GLIS3: variants seen among roughly 807,000 people sequenced by gnomAD.
GLIS3 encodes zinc finger protein GLIS3.
Under a neutral mutation model 78.6 loss-of-function variants are expected in GLIS3, and 53 were observed. The observed-to-expected ratio is 0.67, with a 90% CI of 0.54 to 0.85. GLIS3 has a LOEUF of 0.85. Ranked by LOEUF, GLIS3 falls within the 40% of genes least tolerant of loss-of-function variation. The pLI is 0.00. For synonymous variants in GLIS3, 684 were observed against 509.9 expected, an observed-to-expected ratio of 1.34 and a Z score of -4.60; for missense variants, 1,703 against 1,231.1, an observed-to-expected ratio of 1.38 and a Z score of -5.74.
chr9:4,423,057 G>C, the GLIS3 span, among the ~76,000 whole-genome samples: 1 of 152,082 alleles, frequency 6.6e-6, no homozygotes, highest in Non-Finnish European at 1.5e-5. Flanking sequence ...TGGGGACATG[G>C]ATCGAGTGCC....
intron 2 of GLIS3, among the ~76,000 whole-genome samples, chr9:4,339,733 G>A (rs1488131931): frequency 9.5e-6 from 1 of 104,872 alleles, no homozygotes; most frequent in Non-Finnish European, 1.9e-5. Flanking sequence ...TGGGAAGTTT[G>A]GTACAAAAGA....
intron 8 of GLIS3, among the ~76,000 whole-genome samples, chr9:3,864,030 A>T (rs1820409859): frequency 6.6e-6 from 1 of 152,202 alleles, no homozygotes; most frequent in South Asian, 2.1e-4. Flanking sequence ...AGAATCTGAC[A>T]TGGGGAGAGA....
At chr9:4,338,775 C>T (rs1045379426) in intron 2 of GLIS3, among the ~76,000 whole-genome samples, 3 of 152,128 alleles carry the variant, frequency 2.0e-5, no homozygotes, top group Non-Finnish European at 4.4e-5. Context: ...AATATAGCCT[C>T]ATATTGTATC....
intron 2 of GLIS3, among the ~76,000 whole-genome samples, chr9:4,253,331 G>C (rs1283861604): frequency 6.6e-6 from 1 of 152,270 alleles, no homozygotes; most frequent in Admixed American, 6.5e-5. Flanking sequence ...TACAGAGGCA[G>C]TCTAGCTACA....
At chr9:3,961,026 C>G (rs1393469680) in intron 4 of GLIS3, among the ~76,000 whole-genome samples, 3 of 152,170 alleles carry the variant, frequency 2.0e-5, no homozygotes, top group African/African-American at 4.8e-5. Flanking sequence ...GCTGAGCTCA[C>G]CAATTATTCC....
At position 3,946,939 on chromosome 9, in the gene GLIS3, A is replaced by G. The variant is rs116254415; in HGVS notation, c.1711-9750T>C. ...CCTTGCCCTGAGTTGCCCTGAGTCG[A>G]GTGTCACCAAACAGCAGGTCAAGCA... On this transcript the variant is annotated intron_variant, in intron 4 of 10. Transcript: ENST00000381971. Among the ~76,000 whole-genome samples the G allele has an allele frequency of 5.6e-3, 848 of 152,256 alleles. 14 individuals are homozygous for G. The highest frequency in any genetic ancestry group is 0.019 in the African/African-American group (785 of 41,540).
chr9:4,095,457 C>A (rs544971553), intron 4 of GLIS3, among the ~76,000 whole-genome samples: 2 of 152,276 alleles, frequency 1.3e-5, no homozygotes, highest in Admixed American at 6.5e-5. Flanking sequence ...AACTCCAAAT[C>A]TTTTGGTGGG....
intron 9 of GLIS3, among the ~76,000 whole-genome samples, chr9:3,838,215 A>G (rs1818475794): frequency 6.6e-6 from 1 of 152,218 alleles, no homozygotes; most frequent in African/African-American, 2.4e-5. Context: ...GCATGTAGTA[A>G]GCATTCAATA....
upstream of GLIS3, among the ~76,000 whole-genome samples, chr9:4,351,143 G>T (rs1265964385): frequency 6.6e-6 from 1 of 152,086 alleles, no homozygotes; most frequent in Non-Finnish European, 1.5e-5. Flanking sequence ...TACACTTACA[G>T]GGAGCTGGAG....
At chr9:4,028,382 G>A (rs891028154) in intron 4 of GLIS3, among the ~76,000 whole-genome samples, 1 of 151,868 alleles carries the variant, frequency 6.6e-6, no homozygotes, top group Non-Finnish European at 1.5e-5. Flanking sequence ...TCTCTCCTTG[G>A]GACCAAAGGA....
At chr9:4,345,899 C>T (rs1459648791) in intron 2 of GLIS3, among the ~76,000 whole-genome samples, 1 of 151,844 alleles carries the variant, frequency 6.6e-6, no homozygotes, top group Non-Finnish European at 1.5e-5. Flanking sequence ...AATTTGACTG[C>T]AAAAGAATAT....
the GLIS3 span, among the ~76,000 whole-genome samples, chr9:4,408,642 G>C: frequency 6.9e-6 from 1 of 144,732 alleles, no homozygotes; most frequent in African/African-American, 2.6e-5. Context: ...CAGGAGAATG[G>C]CGTGAACCCG....
In GLIS3 at chr9:4,312,257, CAGG is replaced by C. The variant is rs566683838; in HGVS notation, n.265-1732_265-1730del. ...CCAAGGCTGGCGGATCACTTGAGGT[CAGG>C]AGTTCAAGACCATCCTGGCCAACAT... On this transcript the variant is annotated intron_variant and non_coding_transcript_variant, in intron 2 of 4. Transcript: ENST00000471664. Among the ~76,000 whole-genome samples, 472 of 152,284 alleles carry C rather than the reference CAGG, an allele frequency of 3.1e-3. 2 individuals carry two copies. Among genetic ancestry groups the C allele is most frequent in the African/African-American group, 9.8e-3 (408 of 41,558 alleles).
chr9:3,845,661 T>C (rs144245407), intron 9 of GLIS3, among the ~76,000 whole-genome samples: 27 of 152,252 alleles, frequency 1.8e-4, no homozygotes, highest in Admixed American at 6.5e-4. Context: ...GCTTCCAAAG[T>C]TTCCCCCAGC....
chr9:4,475,084 C>T, the GLIS3 span, among the ~76,000 whole-genome samples: 1 of 147,328 alleles, frequency 6.8e-6, no homozygotes, highest in Admixed American at 7.2e-5. Context: ...AACTCTGCCT[C>T]CTGGGTTCAG....
At chr9:4,120,602 G>A (rs981564036) in intron 3 of GLIS3, among the ~76,000 whole-genome samples, 2 of 152,216 alleles carry the variant, frequency 1.3e-5, no homozygotes, top group African/African-American at 2.4e-5. Flanking sequence ...TCCCCAGCAA[G>A]ATCGAGGAAT....
rs577434290 is a variant in GLIS3 at position 4,083,589 on chromosome 9, C to A, written c.1710+34179G>T. Among the ~76,000 whole-genome samples the A allele has an allele frequency of 7.9e-5, 12 of 152,276 alleles. No homozygotes were observed. The East Asian group carries it at 2.3e-3, about 29-fold the overall frequency. Reference sequence around the variant, plus strand: ...CATACAGCCAATCTATAGGTAGGAACTTTTTAGTTAAAATCGGAGTTATTT... The same window carrying A: ...CATACAGCCAATCTATAGGTAGGAAATTTTTAGTTAAAATCGGAGTTATTT... On this transcript the variant is annotated intron_variant, in intron 4 of 10. Transcript: ENST00000381971.
the GLIS3 span, among the ~76,000 whole-genome samples, chr9:4,478,643 G>T: frequency 6.6e-6 from 1 of 151,404 alleles, no homozygotes; most frequent in Non-Finnish European, 1.5e-5. Context: ...TTTGGAAGTT[G>T]CAAGTGCACT....
At chr9:3,948,831 G>C (rs1816477991) in intron 4 of GLIS3, among the ~76,000 whole-genome samples, 1 of 152,020 alleles carries the variant, frequency 6.6e-6, no homozygotes, top group African/African-American at 2.4e-5. Flanking sequence ...TTATCTCTTT[G>C]TCATCTTACA....
Sources: gnomAD v4.1 joint callset for allele counts (sites outside exome capture counted in the v4.1 genomes callset) on GRCh38, gnomAD v4.1.1 for gene constraint, MANE v1.5 for transcripts, NCBI Gene and HGNC (gene_info 2026-07-23, HGNC 2026-07-21) for gene names.